EIF3B: variants seen among roughly 807,000 people sequenced by gnomAD.
EIF3B encodes eukaryotic translation initiation factor 3 subunit 9.
A neutral mutation model predicts 104.6 loss-of-function variants in EIF3B; 10 were observed. That is an observed-to-expected ratio of 0.10 (90% confidence interval 0.06 to 0.16). The LOEUF (loss-of-function observed/expected upper bound fraction) is 0.16. EIF3B is among the 10% of genes least tolerant of loss of function. The probability of loss-of-function intolerance (pLI) is 1.00; values close to 1 mark genes in which losing one functional copy is unlikely to be tolerated. For missense variants in EIF3B, 1,014 were observed against 1,087.9 expected (o/e 0.93, Z 0.96); for synonymous variants, 542 against 417.2 (o/e 1.30, Z -3.65).
rs748612094 is a variant in EIF3B, at chr7:2,366,320, C to T, written c.1161C>T (p.Tyr387=). 6.9e-6 allele frequency: 11 copies of T among 1,604,694 alleles called. No individual in the cohort carries two copies. The highest frequency in any genetic ancestry group is 3.4e-5 in the Admixed American group (2 of 58,406). The change falls in exon 7 of 19, where the codon TAC becomes TAT. Residue 387 remains tyrosine, a synonymous_variant. Transcript: ENST00000360876. ...CAGTGTTGCCCTTCTCTTCTAGGTA[C>T]CTGGTGACCTTTAGCCCCCTGATGG... ...QLIDFSPCER[Y]LVTFSPLMDT...
At chr7:2,363,470 C>G (rs1480105989) in intron 4 of EIF3B, among the ~76,000 whole-genome samples, 162 bp from the exon 5 acceptor site, 4 of 144,418 alleles carry the variant, frequency 2.8e-5, no homozygotes, top group African/African-American at 1.0e-4. Flanking sequence ...GACTCTGTCT[C>G]AAAAAAAAAA....
chr7:2,379,984 A>G, intron 18 of EIF3B: 1 of 253,646 alleles, frequency 3.9e-6, no homozygotes, highest in Non-Finnish European at 7.8e-6. Flanking sequence ...CAGCATGGGC[A>G]CATGTGGGAC....
chr7:2,355,432 C>A lies in EIF3B; in HGVS notation c.499+12C>A. 7.0e-7 allele frequency: 1 copy of A among 1,426,328 alleles called. No individual in the cohort carries two copies. The highest frequency in any genetic ancestry group is 1.4e-5 in the South Asian group (1 of 70,850). The allele number at this position is 1,426,328 out of a possible 1,614,324, so 88.4% of individuals were successfully genotyped here. A position where few individuals can be genotyped will look rare whatever the true frequency, so the allele number is the denominator to read the frequency against. On this transcript the variant is annotated intron_variant, in intron 1 of 18. Coordinates refer to ENST00000360876, the MANE Select transcript of EIF3B (RefSeq NM_001037283.2). ...CGTGAGCGAGGAAGGTGAGGGCGCC[C>A]GGGGCGGGGCTGGCGAGCGGCGCGG...
chr7:2,371,770 T>C lies in EIF3B; in HGVS notation c.1615-7T>C. On this transcript the variant is annotated splice_region_variant and splice_polypyrimidine_tract_variant and intron_variant, in intron 10 of 18. Transcript: ENST00000360876. ...AATGTCACCCCTTCCCCCTTTTTTTTAAACAGGGTGTTGTCACAAATTTTG... is the reference window on the plus strand; with the variant it reads ...AATGTCACCCCTTCCCCCTTTTTTTCAAACAGGGTGTTGTCACAAATTTTG... 1.9e-6 allele frequency: 3 copies of C among 1,608,940 alleles called. No homozygotes were observed. The highest frequency in any genetic ancestry group is 1.7e-5 in the Admixed American group (1 of 59,994).
At chr7:2,378,534 C>T (rs1040004466) in intron 15 of EIF3B, 155 bp from the exon 16 acceptor site, 1 of 600,670 alleles carries the variant, frequency 1.7e-6, no homozygotes, top group Admixed American at 2.7e-5. Flanking sequence ...TGTGAATGAC[C>T]CTGGGTGTCA....
chr7:2,380,276 C>G lies in EIF3B; in HGVS notation c.*87C>G, dbSNP rs747713313. The G allele has an allele frequency of 4.0e-6, 2 of 501,818 alleles. No homozygotes were observed. The highest frequency in any genetic ancestry group is 7.9e-6 in the Non-Finnish European group (2 of 252,260). The allele number at this position is 501,818 out of a possible 1,614,324, so 31.1% of individuals were successfully genotyped here. On this transcript the variant is annotated 3_prime_UTR_variant, in exon 19 of 19. Coordinates refer to ENST00000360876, the MANE Select transcript of EIF3B (RefSeq NM_001037283.2). ...AGTGTGAGCCGCGGTTCCTCTGTTG[C>G]AGCGCAGCCGTGTGTGCTGTGGAGC...
chr7:2,380,505 G>A lies in EIF3B; in HGVS notation c.*316G>A, dbSNP rs774781053. The A allele has an allele frequency of 2.6e-5, 12 of 468,076 alleles. No individual in the cohort carries two copies. The highest frequency in any genetic ancestry group is 1.2e-4 in the African/African-American group (6 of 50,676). 29.0% of individuals were successfully genotyped at this position (468,076 alleles called of 1,614,324 possible). On this transcript the variant is annotated 3_prime_UTR_variant, in exon 19 of 19. Coordinates refer to ENST00000360876, the MANE Select transcript of EIF3B (RefSeq NM_001037283.2). ...TGTTGGAACCGCCGGCGTTGGCTCCGAAGACTTAGCGACGCCACTGGCGGC... is the reference window on the plus strand; with the variant it reads ...TGTTGGAACCGCCGGCGTTGGCTCCAAAGACTTAGCGACGCCACTGGCGGC...
intron 12 of EIF3B, 24 bp downstream of exon 12, chr7:2,372,819 C>T (rs778142451): frequency 6.2e-7 from 1 of 1,611,004 alleles, no homozygotes; most frequent in Non-Finnish European, 8.5e-7. Context: ...TCCCTTTCCT[C>T]TTCTGAGTAG....
intron 3 of EIF3B, 111 bp downstream of exon 3, chr7:2,362,875 T>C: frequency 6.5e-7 from 1 of 1,535,214 alleles, no homozygotes; most frequent in South Asian, 1.2e-5. Context: ...GTTCACATCC[T>C]TTCTGGTCAG....
chr7:2,370,261 G>A (rs1256727782), intron 10 of EIF3B, among the ~76,000 whole-genome samples: 3 of 152,070 alleles, frequency 2.0e-5, no homozygotes, highest in Admixed American at 6.6e-5. Context: ...CGGATCATGA[G>A]GTCAAGAGAT....
intron 5 of EIF3B, 32 bp downstream of exon 5, chr7:2,363,792 T>G (rs1249346405): frequency 1.5e-5 from 24 of 1,603,116 alleles, no homozygotes; most frequent in Non-Finnish European, 1.9e-5. Context: ...GGGCGGGGAC[T>G]CACCTCTCCT....
chr7:2,370,606 T>G (rs1469126831), intron 10 of EIF3B, among the ~76,000 whole-genome samples: 3 of 152,098 alleles, frequency 2.0e-5, no homozygotes, highest in Non-Finnish European at 2.9e-5. Flanking sequence ...GGTGAACTGG[T>G]TCAGTGGTTT....
chr7:2,366,535 G>A lies in EIF3B; in HGVS notation c.1300G>A (p.Asp434Asn). The A allele has an allele frequency of 6.2e-7, 1 of 1,614,236 alleles. No homozygotes were observed. Among genetic ancestry groups the A allele is most frequent in the East Asian group, 2.2e-5 (1 of 44,888 alleles). The change falls in exon 8 of 19, where the codon GAT becomes AAT. Residue 434 changes from aspartate to asparagine, a missense_variant. Asp to Asn is a conservative substitution (Grantham distance 23). Transcript: ENST00000360876. Reference protein sequence around the residue: ...AHWPIFKWSHDGKFFARMTLD... With the variant: ...AHWPIFKWSHNGKFFARMTLD... ...TTTTGTTTTTCTTAGGTGGAGCCAT[G>A]ATGGCAAATTCTTTGCCAGAATGAC...
rs774920802 is a variant in EIF3B, at chr7:2,369,691, A to AT, written c.1614+11dup. ...CTCCGAAAGGCACCCAGGTATGTAG[A>AT]TTCCCACAGGAACTGACGATTCCTT... On this transcript the variant is annotated intron_variant, in intron 10 of 18. Transcript: ENST00000360876. The AT allele has an allele frequency of 6.3e-7, 1 of 1,593,300 alleles. No individual in the cohort carries two copies. The highest frequency in any genetic ancestry group is 2.3e-5 in the East Asian group (1 of 43,862).
intron 1 of EIF3B, among the ~76,000 whole-genome samples, chr7:2,359,337 C>G (rs1779616105): frequency 6.6e-6 from 1 of 152,126 alleles, no homozygotes; most frequent in Non-Finnish European, 1.5e-5. Flanking sequence ...AGGTCTCCCC[C>G]TGCCACCCAG....
upstream of EIF3B, chr7:2,354,807 G>A (rs1779291014): frequency 3.0e-6 from 3 of 992,736 alleles, no homozygotes; most frequent in Non-Finnish European, 3.6e-6. Flanking sequence ...GCCTTGGTGC[G>A]GCCTCCCCGT....
chr7:2,373,627 A>C (rs1435808112), intron 12 of EIF3B: 1 of 152,210 alleles, frequency 6.6e-6, no homozygotes, highest in Admixed American at 6.5e-5. Flanking sequence ...GTGGATTACA[A>C]GATTGGCTGT....
At chr7:2,366,756 C>A (rs1052786427) in intron 8 of EIF3B, 165 bp downstream of exon 8, 12 of 852,598 alleles carry the variant, frequency 1.4e-5, no homozygotes, top group South Asian at 3.4e-5. Context: ...GGGCAGAGCT[C>A]TTCAGTCACT....
intron 15 of EIF3B, 75 bp downstream of exon 15, chr7:2,377,150 GTTA>G (rs982412595): frequency 6.6e-7 from 1 of 1,516,334 alleles, no homozygotes; most frequent in African/African-American, 1.4e-5. Context: ...AGTTTTTTCT[GTTA>G]TTGTTAGGGT....
Sources: allele counts gnomAD v4.1 joint callset (sites outside exome capture counted in the v4.1 genomes callset), GRCh38; gene constraint gnomAD v4.1.1; transcripts MANE v1.5; gene names NCBI Gene and HGNC (gene_info 2026-07-23, HGNC 2026-07-21).